Variants in NFIB observed in about 807,000 individuals in gnomAD.
NFIB encodes the protein nuclear factor 1 B-type.
Under a neutral mutation model 61.5 loss-of-function variants are expected in NFIB, and 11 were observed. The ratio of observed to expected loss-of-function variants is 0.18; its 90% CI spans 0.11 to 0.30. NFIB has a LOEUF of 0.30. Ranked by LOEUF, NFIB falls within the 10% of genes least tolerant of loss-of-function variation. NFIB has a pLI of 1.00. For missense variants in NFIB, 471 were observed against 608.9 expected, an observed-to-expected ratio of 0.77 and a Z score of 2.38; for synonymous variants, 260 against 216.5, an observed-to-expected ratio of 1.20 and a Z score of -1.76.
chr9:14,214,936 C>T (rs963597290), intron 2 of NFIB, among the ~76,000 whole-genome samples: 2 of 152,218 alleles, frequency 1.3e-5, no homozygotes, highest in African/African-American at 2.4e-5. Flanking sequence ...CATACCTATG[C>T]TTCCATGCCC....
chr9:14,165,491 G>C (rs2044684660), intron 3 of NFIB, among the ~76,000 whole-genome samples: 1 of 152,142 alleles, frequency 6.6e-6, no homozygotes, highest in African/African-American at 2.4e-5. Context: ...CTCACTATGA[G>C]AAAAGCTATC....
chr9:14,319,385 A>G (rs958206138), intron 1 of NFIB, among the ~76,000 whole-genome samples: 8 of 152,234 alleles, frequency 5.3e-5, no homozygotes, highest in African/African-American at 1.9e-4. Flanking sequence ...TTCACAGATT[A>G]CAAAGTCAGC....
At chr9:14,530,823 A>G in the NFIB span, among the ~76,000 whole-genome samples, 2 of 152,126 alleles carry the variant, frequency 1.3e-5, no homozygotes, top group African/African-American at 4.8e-5. Flanking sequence ...TGTGAGAAAA[A>G]CGGCCCTTGT....
At chr9:14,486,414 C>T in the NFIB span, among the ~76,000 whole-genome samples, 2 of 152,138 alleles carry the variant, frequency 1.3e-5, no homozygotes, top group Non-Finnish European at 2.9e-5. Context: ...AGGCAAGAGA[C>T]TATTCTAGAA....
At chr9:14,411,310 A>G in the NFIB span, among the ~76,000 whole-genome samples, 4 of 152,200 alleles carry the variant, frequency 2.6e-5, no homozygotes, top group African/African-American at 9.6e-5. Context: ...ACCAGTAATA[A>G]TGATACAAAT....
chr9:14,160,831 C>CAAAAA lies in NFIB; in HGVS notation c.617-4943_617-4939dup, dbSNP rs36063048. ...AATTCTTGCTTTGTGAAGGAAATCT[C>CAAAAA]AAAAAAAAAAAAAAAAAAAACAGAA... On this transcript the variant is annotated intron_variant, in intron 3 of 10. Transcript: ENST00000380953. 1.2e-3 allele frequency among the ~76,000 whole-genome samples: 117 copies of CAAAAA among 96,232 alleles called. 1 individual carries two copies. Among genetic ancestry groups the CAAAAA allele is most frequent in the African/African-American group, 3.9e-3 (95 of 24,110 alleles). 63.1% of individuals were successfully genotyped at this position (96,232 alleles called of 152,430 possible). A position where few individuals can be genotyped will look rare whatever the true frequency, so the allele number is the denominator to read the frequency against.
chr9:14,125,593 CAAG>C, intron 7 of NFIB, 36 bp downstream of exon 7: 1 of 1,611,080 alleles, frequency 6.2e-7, no homozygotes, highest in Non-Finnish European at 8.5e-7. Context: ...GCCCTACAGA[CAAG>C]AAGGAGGCTT....
intron 1 of NFIB, among the ~76,000 whole-genome samples, chr9:14,397,280 G>A (rs1210031821): frequency 1.3e-5 from 2 of 152,162 alleles, no homozygotes; most frequent in Admixed American, 1.3e-4. Flanking sequence ...TGCAGTCTCT[G>A]AGAAAAACAA....
At chr9:14,461,337 T>C in the NFIB span, among the ~76,000 whole-genome samples, 1 of 152,178 alleles carries the variant, frequency 6.6e-6, no homozygotes, top group South Asian at 2.1e-4. Context: ...ACACAGGTGA[T>C]AGGAAGAAAT....
At chr9:14,412,777 C>A in the NFIB span, among the ~76,000 whole-genome samples, 2 of 152,186 alleles carry the variant, frequency 1.3e-5, no homozygotes, top group Admixed American at 1.3e-4. Flanking sequence ...CGTAATTAAA[C>A]TAGACCCAGG....
chr9:14,183,816 G>A (rs901369056), intron 2 of NFIB, among the ~76,000 whole-genome samples: 6 of 151,844 alleles, frequency 4.0e-5, no homozygotes, highest in East Asian at 3.9e-4. Context: ...TATCTTCCTC[G>A]ATCTCAATCT....
intron 1 of NFIB, among the ~76,000 whole-genome samples, chr9:14,359,792 A>G (rs1327318763): frequency 6.6e-6 from 1 of 152,138 alleles, no homozygotes; most frequent in East Asian, 1.9e-4. Context: ...CATCTTTGCT[A>G]CTAGATATAC....
At chr9:14,325,918 G>T (rs1187964207) in intron 1 of NFIB, among the ~76,000 whole-genome samples, 1 of 152,010 alleles carries the variant, frequency 6.6e-6, no homozygotes, top group East Asian at 1.9e-4. Flanking sequence ...ACTATTTTTA[G>T]AATTTAAAAT....
At chr9:14,094,621 C>T (rs909007272) in intron 10 of NFIB, among the ~76,000 whole-genome samples, 3 of 152,036 alleles carry the variant, frequency 2.0e-5, no homozygotes, top group African/African-American at 2.4e-5. Context: ...TATCAGAAAG[C>T]TCCCTGGCTA....
upstream of NFIB, among the ~76,000 whole-genome samples, chr9:14,315,960 C>T (rs549592915): frequency 2.0e-5 from 3 of 152,098 alleles, no homozygotes; most frequent in African/African-American, 7.2e-5. Flanking sequence ...ACTGCTGGGG[C>T]GTTTCGAGGC....
intron 1 of NFIB, among the ~76,000 whole-genome samples, chr9:14,337,118 A>G (rs558149612): frequency 2.6e-5 from 4 of 152,330 alleles, no homozygotes; most frequent in South Asian, 2.1e-4. Flanking sequence ...AACAGGTTCT[A>G]TTTGGCTTGT....
the NFIB span, among the ~76,000 whole-genome samples, chr9:14,492,287 G>C: frequency 7.9e-5 from 12 of 151,788 alleles, no homozygotes; most frequent in South Asian, 2.1e-4. Context: ...GGCATGAACC[G>C]GGGAGGCGGA....
upstream of NFIB, among the ~76,000 whole-genome samples, chr9:14,316,408 G>T (rs1044445370): frequency 1.3e-5 from 2 of 152,140 alleles, no homozygotes; most frequent in East Asian, 3.9e-4. Flanking sequence ...AGGTAAAGTC[G>T]GGGAGATCGC....
intron 2 of NFIB, among the ~76,000 whole-genome samples, chr9:14,258,977 G>A (rs1587978300): frequency 2.0e-5 from 3 of 152,232 alleles, no homozygotes; most frequent in South Asian, 4.1e-4. Flanking sequence ...CTCAAACCAC[G>A]TTCTAAGGTC....
Sources: allele counts gnomAD v4.1 joint callset (sites outside exome capture counted in the v4.1 genomes callset), GRCh38; gene constraint gnomAD v4.1.1; transcripts MANE v1.5; gene names NCBI Gene and HGNC (gene_info 2026-07-23, HGNC 2026-07-21).